The following DNMT1 variants were observed in gnomAD, a reference collection of about 807,000 sequenced individuals.
DNMT1 encodes DNA methyltransferase 1, also known as DNA (cytosine-5)-methyltransferase 1.
In DNMT1, 24 loss-of-function variants were observed where a neutral mutation model predicts 205.3. The ratio of observed to expected loss-of-function variants is 0.12; its 90% CI spans 0.08 to 0.16. The LOEUF is 0.16. Among genes scored for constraint, DNMT1 ranks in the 10% least tolerant of loss-of-function variants. DNMT1 has a pLI of 1.00. For synonymous variants in DNMT1, 817 were observed against 839.8 expected (o/e 0.97, Z 0.47); for missense variants, 1,293 against 2,177.7 (o/e 0.59, Z 8.09).
chr19:10,141,641 G>C (rs946293412), intron 30 of DNMT1: 9 of 329,956 alleles, frequency 2.7e-5, no homozygotes, highest in South Asian at 1.2e-4. Context: ...GGGCCTGGAC[G>C]TAGGCGCCTG....
chr19:10,180,210 G>T lies in DNMT1; in HGVS notation c.470C>A (p.Ala157Asp). The change falls in exon 5 of 41, where the codon GCC becomes GAC. Residue 157 changes from alanine (A) to aspartate (D), a missense_variant. By Grantham distance (126) the Ala-to-Asp change is moderately radical. This residue lies in a region of DNMT1 where 394 missense variants were observed against 451.6 expected (regional missense o/e 0.87). Coordinates refer to ENST00000359526, the MANE Select transcript of DNMT1 (RefSeq NM_001130823.3). Reference protein sequence around the residue: ...AKRSRDPPASASQVTGIRAEP... With the variant: ...AKRSRDPPASDSQVTGIRAEP... ...ACCTCTAATCCCAGTTACTTGGGAG[G>T]CTGAGGCAGGAGGGTCTCTTGAACC... 1 of 1,001,626 alleles carries T rather than the reference G, an allele frequency of 1.0e-6. No homozygotes were observed. Among genetic ancestry groups the T allele is most frequent in the South Asian group, 1.4e-5 (1 of 72,448 alleles). 62.0% of individuals were successfully genotyped at this position (1,001,626 alleles called of 1,614,324 possible).
intron 1 of DNMT1, among the ~76,000 whole-genome samples, chr19:10,193,058 CAAA>C (rs879852835): frequency 6.6e-6 from 1 of 151,674 alleles, no homozygotes; most frequent in East Asian, 1.9e-4. Flanking sequence ...AACAAACAAA[CAAA>C]AAAAAGTAGT....
chr19:10,141,487 T>G, intron 30 of DNMT1: 1 of 434,240 alleles, frequency 2.3e-6, no homozygotes. Context: ...GGCTACCTCA[T>G]CCATGCCTGG....
In DNMT1 at chr19:10,160,424, CA is replaced by C; in HGVS notation, c.1009-7del. The stretch of plus-strand genomic sequence containing the variant: ...GTTTTGCGTCTCTTCTCCTCCTACA[CA>C]GGGAAAACAAAAGAGGATTAAAGGC... On this transcript the variant is annotated splice_region_variant and splice_polypyrimidine_tract_variant and intron_variant, in intron 13 of 40. Coordinates refer to ENST00000359526, the MANE Select transcript of DNMT1 (RefSeq NM_001130823.3). 1 of 1,614,028 alleles carries C rather than the reference CA, an allele frequency of 6.2e-7. No individual in the cohort carries two copies. Among genetic ancestry groups the C allele is most frequent in the Non-Finnish European group, 8.5e-7 (1 of 1,179,948 alleles).
In DNMT1 at chr19:10,152,596, A is replaced by G. The variant is rs117189041; in HGVS notation, c.2020-749T>C. Among the ~76,000 whole-genome samples the G allele has an allele frequency of 6.1e-3, 926 of 151,836 alleles. 39 individuals are homozygous for G. In the East Asian group the frequency reaches 0.12, roughly 19 times the overall value. Reference sequence around the variant, plus strand: ...GCAACATGGCAAAATCCCATCTACAAAATGTTTTTTTTTAATTAGCTGGGC... The same window carrying G: ...GCAACATGGCAAAATCCCATCTACAGAATGTTTTTTTTTAATTAGCTGGGC... On this transcript the variant is annotated intron_variant, in intron 22 of 40. Transcript: ENST00000359526.
At chr19:10,155,744 T>C in intron 19 of DNMT1, 109 bp downstream of exon 19, 1 of 1,203,452 alleles carries the variant, frequency 8.3e-7, no homozygotes, top group Non-Finnish European at 1.2e-6. Flanking sequence ...TCACATGGCC[T>C]TCTGCAAGCC....
intron 1 of DNMT1, among the ~76,000 whole-genome samples, chr19:10,182,478 CAT>C (rs1236861107): frequency 4.6e-5 from 5 of 108,782 alleles, no homozygotes; most frequent in African/African-American, 7.1e-5. Context: ...TATATATATA[CAT>C]ATATATGTGT....
In DNMT1 at chr19:10,154,200, C is replaced by G; in HGVS notation, c.2019+93G>C. ...GGGGTCACATTTGAGCAGCCAGAGT[C>G]TCAAGCCACAGAGAGAAAGATGGAG... On this transcript the variant is annotated intron_variant, in intron 22 of 40. Transcript: ENST00000359526. This position sits in a 1 kb window ranked among gnomAD's most constrained non-coding sequence, Gnocchi z 6.3. The G allele has an allele frequency of 7.3e-7, 1 of 1,360,828 alleles. No individual in the cohort carries two copies. The highest frequency in any genetic ancestry group is 1.0e-6 in the Non-Finnish European group (1 of 956,680). 84.3% of individuals were successfully genotyped at this position (1,360,828 alleles called of 1,614,324 possible). A position where few individuals can be genotyped will look rare whatever the true frequency, so the allele number is the denominator to read the frequency against.
At chr19:10,152,239 G>T (rs2038362280) in intron 22 of DNMT1, among the ~76,000 whole-genome samples, 2 of 109,580 alleles carry the variant, frequency 1.8e-5, no homozygotes, top group Non-Finnish European at 3.7e-5. Flanking sequence ...TGAGACAAAT[G>T]ATGCATTAAG....
intron 9 of DNMT1, among the ~76,000 whole-genome samples, chr19:10,169,189 A>G (rs913845473): frequency 2.6e-5 from 4 of 151,618 alleles, no homozygotes; most frequent in African/African-American, 7.3e-5. Flanking sequence ...GTCAAATCCA[A>G]CCCTCAGAAA....
At chr19:10,163,240 T>A in intron 12 of DNMT1, 86 bp downstream of exon 12, 1 of 1,471,352 alleles carries the variant, frequency 6.8e-7, no homozygotes, top group South Asian at 1.1e-5. Flanking sequence ...GTGCTGGGAT[T>A]ACAGGTGCAA....
At chr19:10,172,014 A>G (rs1355163320) in intron 9 of DNMT1, among the ~76,000 whole-genome samples, 1 of 151,628 alleles carries the variant, frequency 6.6e-6, no homozygotes, top group Non-Finnish European at 1.5e-5. Flanking sequence ...CTCAAAAAAA[A>G]AAAATTAAAT....
At chr19:10,157,679 T>C (rs2038485613) in intron 17 of DNMT1, among the ~76,000 whole-genome samples, 3 of 152,158 alleles carry the variant, frequency 2.0e-5, no homozygotes, top group Non-Finnish European at 4.4e-5. Context: ...AACAAAACAC[T>C]GCATACCTCC....
rs192952800 is a variant in DNMT1, at chr19:10,133,502, A to T, written c.*165T>A. The T allele has an allele frequency of 1.3e-6, 1 of 749,014 alleles. No individual in the cohort carries two copies. Among genetic ancestry groups the T allele is most frequent in the Admixed American group, 2.5e-5 (1 of 40,728 alleles). 46.4% of individuals were successfully genotyped at this position (749,014 alleles called of 1,614,324 possible). A position where few individuals can be genotyped will look rare whatever the true frequency, so the allele number is the denominator to read the frequency against. On this transcript the variant is annotated 3_prime_UTR_variant, in exon 41 of 41. Transcript: ENST00000359526. This position sits in a 1 kb window ranked among gnomAD's most constrained non-coding sequence, Gnocchi z 4.1. ...AAAGTACTGCACAATTTGATCACTA[A>T]ATCATTAGTTGATAAGCGAACCTCA... is the stretch of plus-strand genomic sequence containing the variant.
intron 1 of DNMT1, among the ~76,000 whole-genome samples, chr19:10,183,094 C>T (rs867853987): frequency 7.5e-6 from 1 of 133,554 alleles, no homozygotes; most frequent in African/African-American, 3.2e-5. Flanking sequence ...TATATATATA[C>T]ACGTATATAT....
At chr19:10,163,103 A>T in intron 12 of DNMT1, 1 of 595,490 alleles carries the variant, frequency 1.7e-6, no homozygotes, top group East Asian at 2.9e-5. Context: ...CTGGGATTAT[A>T]GGCACCCGCC....
intron 1 of DNMT1, among the ~76,000 whole-genome samples, chr19:10,189,277 G>A (rs1483951328): frequency 6.6e-6 from 1 of 152,034 alleles, no homozygotes; most frequent in African/African-American, 2.4e-5. Flanking sequence ...GTGCCACCAT[G>A]CCTGGCTAAT....
At position 10,193,428 on chromosome 19, in the gene DNMT1, C is replaced by G. The variant is rs567406238; in HGVS notation, c.80+1392G>C. On this transcript the variant is annotated intron_variant, in intron 1 of 40. Transcript: ENST00000359526. ...AGGCTGGAGTGCAATAGCGCGATCT[C>G]AGCTCGCTACACACAGCCTCAACCT... 2.6e-5 allele frequency among the ~76,000 whole-genome samples: 4 copies of G among 152,184 alleles called. No individual in the cohort carries two copies. In the South Asian group the frequency reaches 6.2e-4, roughly 24 times the overall value.
chr19:10,154,313 G>A lies in DNMT1; in HGVS notation c.1999C>T (p.Arg667Trp), dbSNP rs763570334. The A allele has an allele frequency of 6.2e-6, 10 of 1,614,104 alleles. No homozygotes were observed. Among genetic ancestry groups the A allele is most frequent in the East Asian group, 2.2e-5 (1 of 44,878 alleles). ...REDKENAFKRRRCGVCEVCQQ... is the reference protein window; with the variant it reads ...REDKENAFKRWRCGVCEVCQQ... The stretch of plus-strand genomic sequence containing the variant: ...GTTACCTCACAGACGCCACATCGCC[G>A]GCGCTTAAAGGCGTTCTCCTTGTCT... The change falls in exon 22 of 41, where the codon CGG becomes TGG. Residue 667 changes from arginine (R) to tryptophan (W), a missense_variant. Physicochemically the swap from Arg to Trp is moderately radical, Grantham distance 101. This residue lies in a region of DNMT1 where 197 missense variants were observed against 353.6 expected (regional missense o/e 0.56). Coordinates refer to ENST00000359526, the MANE Select transcript of DNMT1 (RefSeq NM_001130823.3). The surrounding 1 kb of genome is among the most constrained non-coding windows in gnomAD (Gnocchi z 6.3).
Sources: allele counts gnomAD v4.1 joint callset (sites outside exome capture counted in the v4.1 genomes callset), GRCh38; gene constraint gnomAD v4.1.1; regional missense constraint gnomAD v4.1.1; non-coding constraint Gnocchi (gnomAD v3.1); transcripts MANE v1.5; gene names NCBI Gene and HGNC (gene_info 2026-07-23, HGNC 2026-07-21).